TATDN2: variants seen among roughly 807,000 people sequenced by gnomAD.
TATDN2 encodes 3'-5' RNA nuclease TATDN2.
In TATDN2, 44 loss-of-function variants were observed where a neutral mutation model predicts 60.3. That is an observed-to-expected ratio of 0.73 (90% CI 0.57 to 0.94). The LOEUF (loss-of-function observed/expected upper bound fraction) is 0.94. TATDN2 is among the 40% of genes least tolerant of loss of function. The probability of loss-of-function intolerance (pLI) is 0.00; values close to 1 mark genes in which losing one functional copy is unlikely to be tolerated. For synonymous variants in TATDN2, 399 were observed against 355.8 expected, an observed-to-expected ratio of 1.12 and a Z score of -1.37; for missense variants, 997 against 948.0, an observed-to-expected ratio of 1.05 and a Z score of -0.68.
intron 4 of TATDN2, among the ~76,000 whole-genome samples, chr3:10,271,632 G>T (rs187768324): frequency 6.6e-6 from 1 of 151,744 alleles, no homozygotes; most frequent in African/African-American, 2.4e-5. Flanking sequence ...TATACCCATT[G>T]CAGAATATTT....
intron 3 of TATDN2, among the ~76,000 whole-genome samples, chr3:10,265,595 T>C (rs1698465446): frequency 7.1e-6 from 1 of 140,826 alleles, no homozygotes; most frequent in Admixed American, 8.0e-5. Context: ...GGCAGGATAA[T>C]GGCGTGAACC....
chr3:10,249,169 GA>G, intron 1 of TATDN2, 25 bp from the exon 2 acceptor site: 1 of 1,486,856 alleles, frequency 6.7e-7, no homozygotes, highest in South Asian at 1.4e-5. Flanking sequence ...GGTGGTGTTG[GA>G]ATCCAGGCCC....
At chr3:10,250,170 TTTTTTTTTTTTTC>T (rs1399090632) in intron 2 of TATDN2, among the ~76,000 whole-genome samples, 1 of 37,094 alleles carries the variant, frequency 2.7e-5, no homozygotes, top group African/African-American at 3.5e-4. Flanking sequence ...TGGTGCTAGT[TTTTTTTTTTTTTC>T]TTTTTTTTTT....
Position 10,276,379 on chromosome 3 carries a change from C to T in TATDN2, c.1852C>T (p.Gln618Ter), listed in dbSNP as rs1421439076. ...EQHKVFERQL[Q>*]LAVSLKKPLV... is the part of the protein sequence containing the mutation. ...CTCCTAGGTATTTGAGAGACAGCTG[C>T]AGCTGGCTGTGTCTCTAAAGAAGCC... The change falls in exon 5 of 8, where the codon CAG becomes TAG. Residue 618 changes from glutamine (Q) to a stop codon, truncating the protein, a stop_gained. Transcript: ENST00000448281. LOFTEE classifies it high-confidence loss of function. The T allele has an allele frequency of 2.5e-6, 4 of 1,613,968 alleles. No individual in the cohort carries two copies. Among genetic ancestry groups the T allele is most frequent in the Non-Finnish European group, 3.4e-6 (4 of 1,179,950 alleles).
intron 3 of TATDN2, among the ~76,000 whole-genome samples, chr3:10,268,192 C>T (rs1278863738): frequency 2.0e-5 from 3 of 152,178 alleles, no homozygotes; most frequent in Non-Finnish European, 4.4e-5. Flanking sequence ...GATATTTCTG[C>T]CATTCAAGCA....
intron 2 of TATDN2, among the ~76,000 whole-genome samples, chr3:10,251,871 G>A (rs1277447037): frequency 6.7e-6 from 1 of 149,378 alleles, no homozygotes; most frequent in Non-Finnish European, 1.5e-5. Context: ...TTTTTGGGCT[G>A]GGCGTGGTGG....
intron 3 of TATDN2, among the ~76,000 whole-genome samples, chr3:10,262,176 G>A (rs1041442655): frequency 2.0e-5 from 3 of 152,012 alleles, no homozygotes; most frequent in South Asian, 4.2e-4. Flanking sequence ...GGAGGTATAC[G>A]TCCTCAGCCC....
chr3:10,270,812 A>C lies in TATDN2; in HGVS notation c.1630A>C (p.Thr544Pro), dbSNP rs552635940. The change falls in exon 4 of 8, where the codon ACA becomes CCA. Residue 544 changes from threonine to proline, a missense_variant. Coordinates refer to ENST00000448281, the MANE Select transcript of TATDN2 (RefSeq NM_014760.4). ...TGACTTCTGTGATCCCCGCACCCTGACAGATTGCCTATGGGAGGAGCTGTT... is the reference window on the plus strand; with the variant it reads ...TGACTTCTGTGATCCCCGCACCCTGCCAGATTGCCTATGGGAGGAGCTGTT... ...ISDFCDPRTLTDCLWEELLKE... is the reference protein window; with the variant it reads ...ISDFCDPRTLPDCLWEELLKE... The C allele has an allele frequency of 6.2e-7, 1 of 1,614,144 alleles. No individual in the cohort carries two copies. Among genetic ancestry groups the C allele is most frequent in the South Asian group, 1.1e-5 (1 of 91,072 alleles).
In TATDN2 at chr3:10,270,517, T is replaced by C. The variant is rs1698544836; in HGVS notation, c.1335T>C (p.Ser445=). The change falls in exon 4 of 8, where the codon TCT becomes TCC. Residue 445 remains serine, a synonymous_variant. Transcript: ENST00000448281. ...CAGAGGAAGGCTGGTCCCAGAATTC[T>C]CGTTCATTTCGCTTCTCCAGAAGCT... The part of the protein sequence containing the change: ...EASEEGWSQN[S]RSFRFSRSSE... The C allele has an allele frequency of 1.2e-6, 2 of 1,614,214 alleles. No homozygotes were observed. The highest frequency in any genetic ancestry group is 1.3e-5 in the African/African-American group (1 of 75,052).
chr3:10,267,453 G>C (rs1698495166), intron 3 of TATDN2, among the ~76,000 whole-genome samples: 2 of 115,602 alleles, frequency 1.7e-5, no homozygotes, highest in African/African-American at 8.6e-5. Flanking sequence ...AAATTTCCCT[G>C]TTTGTTTGAT....
At position 10,279,066 on chromosome 3, in the gene TATDN2, C is replaced by A. The variant is rs139484139; in HGVS notation, c.*38+3C>A. ...TCCTCGGGAGTCTCCTAGAAAAGGT[C>A]GTAAAACTCACATTCTGTATTTTTT... On this transcript the variant is annotated splice_donor_region_variant and intron_variant, in intron 7 of 7. Coordinates refer to ENST00000448281, the MANE Select transcript of TATDN2 (RefSeq NM_014760.4). 1.9e-5 allele frequency: 31 copies of A among 1,590,138 alleles called. No homozygotes were observed. The highest frequency in any genetic ancestry group is 2.5e-5 in the Non-Finnish European group (29 of 1,171,020).
chr3:10,249,073 T>G lies in TATDN2; in HGVS notation c.-7+6T>G. The G allele has an allele frequency of 9.0e-7, 1 of 1,116,050 alleles. No individual in the cohort carries two copies. The highest frequency in any genetic ancestry group is 1.2e-6 in the Non-Finnish European group (1 of 826,946). The allele number at this position is 1,116,050 out of a possible 1,614,324, so 69.1% of individuals were successfully genotyped here. On this transcript the variant is annotated splice_donor_region_variant and intron_variant, in intron 1 of 7. Transcript: ENST00000448281. ...AGTGGAAAGAAGAGGGAAAGGTCAG[T>G]GAGGCTAGCCCCTGGCTCTGCCCTT...
rs1698690996 is a variant in TATDN2 at position 10,279,335 on chromosome 3, A to G, written c.*153A>G. The G allele has an allele frequency of 2.1e-5, 3 of 139,840 alleles. No homozygotes were observed. The highest frequency in any genetic ancestry group is 3.9e-5 in the Non-Finnish European group (3 of 76,222). 8.7% of individuals were successfully genotyped at this position (139,840 alleles called of 1,614,324 possible). ...AACCAGGACAGGATGTTTTCCTCCA[A>G]GCGGGTCATAAGGCTTCAGCTTCTG... On this transcript the variant is annotated 3_prime_UTR_variant, in exon 8 of 8. Transcript: ENST00000448281.
At position 10,280,538 on chromosome 3, in the gene TATDN2, C is replaced by T. The variant is rs540231965; in HGVS notation, c.*1356C>T. Reference sequence around the variant, plus strand: ...AGTCCCTCGTCTGTGGTCTTGGAGGCTTAAATTGTAAAATACATCCCTTAT... The same window carrying T: ...AGTCCCTCGTCTGTGGTCTTGGAGGTTTAAATTGTAAAATACATCCCTTAT... On this transcript the variant is annotated 3_prime_UTR_variant, in exon 8 of 8. Coordinates refer to ENST00000448281, the MANE Select transcript of TATDN2 (RefSeq NM_014760.4). 1.1e-4 allele frequency: 17 copies of T among 153,886 alleles called. No individual in the cohort carries two copies. The highest frequency in any genetic ancestry group is 3.8e-4 in the African/African-American group (16 of 41,580). The allele number at this position is 153,886 out of a possible 1,614,324, so 9.5% of individuals were successfully genotyped here.
Position 10,249,604 on chromosome 3 carries a change from G to A in TATDN2, c.404G>A (p.Cys135Tyr). ...EEMASLEEEA[C>Y]SLKVDSKDSS... Reference sequence around the variant, plus strand: ...ATGGCTTCTCTAGAGGAGGAAGCCTGCAGCCTTAAGGTAGGTGGCTGCCAC... The same window carrying A: ...ATGGCTTCTCTAGAGGAGGAAGCCTACAGCCTTAAGGTAGGTGGCTGCCAC... Residue 135 changes from cysteine to tyrosine, a missense_variant, in exon 2 of 8, where the codon TGC becomes TAC. Physicochemically the swap from Cys to Tyr is radical, Grantham distance 194 (BLOSUM62 -2). Coordinates refer to ENST00000448281, the MANE Select transcript of TATDN2 (RefSeq NM_014760.4). 1.3e-6 allele frequency: 2 copies of A among 1,518,234 alleles called. No individual in the cohort carries two copies. Among genetic ancestry groups the A allele is most frequent in the African/African-American group, 1.4e-5 (1 of 71,618 alleles). 94.0% of individuals were successfully genotyped at this position (1,518,234 alleles called of 1,614,324 possible).
At position 10,257,841 on chromosome 3, in the gene TATDN2, A is replaced by ATTTTTTTTTTTTTT; in HGVS notation, c.415-2274_415-2261dup. Among the ~76,000 whole-genome samples, 113 of 30,310 alleles carry ATTTTTTTTTTTTTT rather than the reference A, an allele frequency of 3.7e-3. 27 individuals carry two copies. Among genetic ancestry groups the ATTTTTTTTTTTTTT allele is most frequent in the Non-Finnish European group, 6.4e-3 (92 of 14,394 alleles). The allele number at this position is 30,310 out of a possible 152,430, so 19.9% of individuals were successfully genotyped here. A position where few individuals can be genotyped will look rare whatever the true frequency, so the allele number is the denominator to read the frequency against. ...AAGTATAGATTTCTAAAGGTTTATG[A>ATTTTTTTTTTTTTT]TTTTTTTTTTTTTTTTTTTTTTTTT... On this transcript the variant is annotated intron_variant, in intron 2 of 7. Coordinates refer to ENST00000448281, the MANE Select transcript of TATDN2 (RefSeq NM_014760.4).
chr3:10,275,419 T>C (rs376240036), intron 4 of TATDN2, among the ~76,000 whole-genome samples: 5 of 152,240 alleles, frequency 3.3e-5, no homozygotes, highest in East Asian at 3.8e-4. Context: ...TTTGTAGTTA[T>C]TGACCTGCGA....
At chr3:10,268,321 A>T (rs1210968364) in intron 3 of TATDN2, among the ~76,000 whole-genome samples, 1 of 152,242 alleles carries the variant, frequency 6.6e-6, no homozygotes, top group Non-Finnish European at 1.5e-5. Context: ...AAATATTAGT[A>T]CAGCCAACAT....
At chr3:10,279,106 G>C in intron 7 of TATDN2, 43 bp downstream of exon 7, 1 of 1,522,084 alleles carries the variant, frequency 6.6e-7, no homozygotes, top group Non-Finnish European at 8.9e-7. Context: ...ACCAGGACAA[G>C]TCTTTTGTTG....
Sources: gnomAD v4.1 joint callset for allele counts (sites outside exome capture counted in the v4.1 genomes callset) on GRCh38, gnomAD v4.1.1 for gene constraint, MANE v1.5 for transcripts, NCBI Gene and HGNC (gene_info 2026-07-23, HGNC 2026-07-21) for gene names.